The following DISP2 variants were observed in gnomAD, a reference collection of about 807,000 sequenced individuals.
The protein encoded by DISP2 is protein dispatched homolog 2.
DISP2 carries 59 observed loss-of-function variants against 95.5 expected under a neutral mutation model. The observed-to-expected ratio is 0.62, with a 90% CI of 0.50 to 0.77. DISP2 has a LOEUF of 0.77. DISP2 is among the 30% of genes least tolerant of loss of function. The pLI, the probability that DISP2 is intolerant of heterozygous loss-of-function variation, is 0.00. For missense variants in DISP2, 1,752 were observed against 1,854.6 expected, an observed-to-expected ratio of 0.94 and a Z score of 1.02; for synonymous variants, 827 against 815.0, an observed-to-expected ratio of 1.01 and a Z score of -0.25.
intron 7 of DISP2, 37 bp downstream of exon 7, chr15:40,365,762 A>C (rs1233142754): frequency 1.9e-6 from 3 of 1,600,230 alleles, no homozygotes; most frequent in Non-Finnish European, 2.6e-6. Context: ...GTTTGGGGGG[A>C]ACTAAGGACA....
In DISP2 at chr15:40,371,653, G is replaced by C. The variant is rs1373001258; in HGVS notation, c.*1335G>C. ...CTTTTTAAGGACAAGTCTCTCTGTG[G>C]AGCGTTAAGCAGACCAAAGGCTGGT... On this transcript the variant is annotated 3_prime_UTR_variant, in exon 8 of 8. Transcript: ENST00000267889. The C allele has an allele frequency of 6.6e-6, 1 of 152,250 alleles. No individual in the cohort carries two copies. The highest frequency in any genetic ancestry group is 1.5e-5 in the Non-Finnish European group (1 of 68,038). 9.4% of individuals were successfully genotyped at this position (152,250 alleles called of 1,614,324 possible). A position where few individuals can be genotyped will look rare whatever the true frequency, so the allele number is the denominator to read the frequency against.
chr15:40,365,330 T>C, intron 6 of DISP2, 56 bp downstream of exon 6: 1 of 1,594,918 alleles, frequency 6.3e-7, no homozygotes, highest in Non-Finnish European at 8.5e-7. Flanking sequence ...CCCCACCTAG[T>C]AGGACAGGCA....
chr15:40,373,387 G>C lies in DISP2; in HGVS notation c.*3069G>C, dbSNP rs1889677082. 1 of 152,214 alleles carries C rather than the reference G, an allele frequency of 6.6e-6. No individual in the cohort carries two copies. Among genetic ancestry groups the C allele is most frequent in the African/African-American group, 2.4e-5 (1 of 41,440 alleles). 9.4% of individuals were successfully genotyped at this position (152,214 alleles called of 1,614,324 possible). A position where few individuals can be genotyped will look rare whatever the true frequency, so the allele number is the denominator to read the frequency against. ...CCTTGAACTCACATTCTGAGTACGA[G>C]TATGTATCCTGTATGCTATTAAAAT... On this transcript the variant is annotated 3_prime_UTR_variant, in exon 8 of 8. Transcript: ENST00000267889.
Position 40,363,757 on chromosome 15 carries a change from A to G in DISP2, c.252A>G (p.Pro84=), listed in dbSNP as rs769001268. The change falls in exon 2 of 8, where the codon CCA becomes CCG. Residue 84 remains proline (P), a synonymous_variant. Coordinates refer to ENST00000267889, the MANE Select transcript of DISP2 (RefSeq NM_033510.3). ...CTTCCACCCTCCAGCCTGTGGGTCC[A>G]TCCAGCCCCTTGGCCCCTGCCCACT... is the stretch of plus-strand genomic sequence containing the variant. ...PTTSTLQPVG[P]SSPLAPAHFT... is the part of the protein sequence containing the mutation. 7 of 1,613,854 alleles carry G rather than the reference A, an allele frequency of 4.3e-6. No homozygotes were observed. In the East Asian group the frequency reaches 1.3e-4, roughly 31 times the overall value.
Position 40,369,562 on chromosome 15 carries a change from G to T in DISP2, c.3450G>T (p.Gly1150=), listed in dbSNP as rs764360514. Residue 1150 remains glycine (G), a synonymous_variant, in exon 8 of 8, where the codon GGG becomes GGT. Transcript: ENST00000267889. ...AGAAGGCAGGCCGCCCACGACCAGG[G>T]TCAGTGGGAGGGATGCCCGGGTCCT... ...GGEKAGRPRP[G]SVGGMPGSCS... 1.9e-6 allele frequency: 3 copies of T among 1,612,384 alleles called. No homozygotes were observed. Among genetic ancestry groups the T allele is most frequent in the Non-Finnish European group, 2.5e-6 (3 of 1,180,006 alleles).
intron 6 of DISP2, 114 bp downstream of exon 6, chr15:40,365,388 C>T: frequency 6.7e-7 from 1 of 1,496,086 alleles, no homozygotes; most frequent in Non-Finnish European, 8.9e-7. Flanking sequence ...GGCCAGCTGG[C>T]CACAGTCAAG....
intron 7 of DISP2, among the ~76,000 whole-genome samples, chr15:40,366,183 C>G (rs928826244): frequency 6.6e-6 from 1 of 152,246 alleles, no homozygotes; most frequent in Non-Finnish European, 1.5e-5. Context: ...CCACTTCACA[C>G]GAGGATATCC....
chr15:40,370,915 T>C lies in DISP2; in HGVS notation c.*597T>C, dbSNP rs1889634574. 2 of 271,142 alleles carry C rather than the reference T, an allele frequency of 7.4e-6. No homozygotes were observed. Among genetic ancestry groups the C allele is most frequent in the East Asian group, 8.4e-5 (1 of 11,876 alleles). 16.8% of individuals were successfully genotyped at this position (271,142 alleles called of 1,614,324 possible). On this transcript the variant is annotated 3_prime_UTR_variant, in exon 8 of 8. Coordinates refer to ENST00000267889, the MANE Select transcript of DISP2 (RefSeq NM_033510.3). Reference sequence around the variant, plus strand: ...ACCAGAAATTCTCCAAATCCAGCCATAGATGGCTGCTGGGTGTGCAGCAGG... The same window carrying C: ...ACCAGAAATTCTCCAAATCCAGCCACAGATGGCTGCTGGGTGTGCAGCAGG...
Position 40,368,262 on chromosome 15 carries a change from G to T in DISP2, c.2150G>T (p.Gly717Val), listed in dbSNP as rs745688593. The change falls in exon 8 of 8, where the codon GGC (glycine) becomes GTC (valine). Residue 717 changes from glycine (G) to valine (V), a missense_variant. By Grantham distance (109) the Gly-to-Val change is moderately radical. Coordinates refer to ENST00000267889, the MANE Select transcript of DISP2 (RefSeq NM_033510.3). Reference protein sequence around the residue: ...ICWFAALAAGGAYIAGVSPRL... With the variant: ...ICWFAALAAGVAYIAGVSPRL... The stretch of plus-strand genomic sequence containing the variant: ...TGGTTCGCAGCACTGGCGGCAGGGG[G>T]CGCCTACATCGCCGGAGTCAGCCCC... The T allele has an allele frequency of 6.2e-7, 1 of 1,609,554 alleles. No individual in the cohort carries two copies. The highest frequency in any genetic ancestry group is 1.1e-5 in the South Asian group (1 of 91,014).
chr15:40,364,098 C>A, intron 2 of DISP2, 128 bp from the exon 3 acceptor site: 1 of 1,505,662 alleles, frequency 6.6e-7, no homozygotes, highest in Non-Finnish European at 9.0e-7. Flanking sequence ...TTGGGAGTGG[C>A]AAAGCGCTAA....
Position 40,373,718 on chromosome 15 carries a change from TAAATA to T in DISP2, c.*3402_*3406del, listed in dbSNP as rs1277299700. Reference sequence around the variant, plus strand: ...GACACCGTCTCAAAAAATAAATAAATAAATAAGTCGGGCACGGTGGCTCACGCCTG... The same window carrying T: ...GACACCGTCTCAAAAAATAAATAAATAGTCGGGCACGGTGGCTCACGCCTG... On this transcript the variant is annotated 3_prime_UTR_variant, in exon 8 of 8. Transcript: ENST00000267889. 1 of 138,464 alleles carries T rather than the reference TAAATA, an allele frequency of 7.2e-6. No individual in the cohort carries two copies. The highest frequency in any genetic ancestry group is 1.6e-5 in the Non-Finnish European group (1 of 64,430). The allele number at this position is 138,464 out of a possible 1,614,324, so 8.6% of individuals were successfully genotyped here.
Position 40,374,485 on chromosome 15 carries a change from G to A in DISP2, c.*4167G>A, listed in dbSNP as rs1195249337. 6.6e-6 allele frequency: 1 copy of A among 151,212 alleles called. No individual in the cohort carries two copies. Among genetic ancestry groups the A allele is most frequent in the African/African-American group, 2.4e-5 (1 of 41,320 alleles). 9.4% of individuals were successfully genotyped at this position (151,212 alleles called of 1,614,324 possible). On this transcript the variant is annotated 3_prime_UTR_variant, in exon 8 of 8. Transcript: ENST00000267889. Reference sequence around the variant, plus strand: ...AGAGTTATAAGCCAAAATTTCCCTAGCCCCCTCCAACTCATTCTGTCCTTC... The same window carrying A: ...AGAGTTATAAGCCAAAATTTCCCTAACCCCCTCCAACTCATTCTGTCCTTC...
intron 1 of DISP2, 94 bp from the exon 2 acceptor site, chr15:40,363,531 C>CCTTGT: frequency 1.1e-6 from 1 of 932,204 alleles, no homozygotes; most frequent in South Asian, 1.9e-5. Flanking sequence ...GTCCCTGTCC[C>CCTTGT]CTTGTCTTGT....
At position 40,377,523 on chromosome 15, in the gene DISP2, G is replaced by A. The variant is rs867350145; in HGVS notation, c.*7205G>A. The A allele has an allele frequency of 2.6e-5, 4 of 152,146 alleles. No individual in the cohort carries two copies. Among genetic ancestry groups the A allele is most frequent in the South Asian group, 2.1e-4 (1 of 4,830 alleles). 9.4% of individuals were successfully genotyped at this position (152,146 alleles called of 1,614,324 possible). ...AAGAAACAAACAAGGAGAACCCCTC[G>A]GTTGCCCAGCTTACCGCTTGAGAGG... On this transcript the variant is annotated 3_prime_UTR_variant, in exon 8 of 8. Coordinates refer to ENST00000267889, the MANE Select transcript of DISP2 (RefSeq NM_033510.3).
At chr15:40,360,374 G>T (rs950490295) in intron 1 of DISP2, among the ~76,000 whole-genome samples, 4 of 152,216 alleles carry the variant, frequency 2.6e-5, no homozygotes, top group African/African-American at 9.7e-5. Flanking sequence ...AAGAGTGGAG[G>T]TCGGTTTTTC....
chr15:40,363,950 G>A lies in DISP2; in HGVS notation c.445G>A (p.Val149Ile), dbSNP rs1889450934. ...CGCTGTGCAGCACCATGTGGTCAGC[G>A]TCAGGTAAGGAGGGGTCCAGCAGCC... ...PPAVQHHVVS[V>I]RQERAFQMPK... The change falls in exon 2 of 8, where the codon GTC becomes ATC. Residue 149 changes from valine (V) to isoleucine (I), a missense_variant. Physicochemically the swap from Val to Ile is conservative, Grantham distance 29. This residue lies in a region of DISP2 where 342 missense variants were observed against 364.3 expected (regional missense o/e 0.94). Coordinates refer to ENST00000267889, the MANE Select transcript of DISP2 (RefSeq NM_033510.3). 16 of 1,526,150 alleles carry A rather than the reference G, an allele frequency of 1.0e-5. No homozygotes were observed. The highest frequency in any genetic ancestry group is 2.0e-5 in the Admixed American group (1 of 49,678). The allele number at this position is 1,526,150 out of a possible 1,614,324, so 94.5% of individuals were successfully genotyped here. A position where few individuals can be genotyped will look rare whatever the true frequency, so the allele number is the denominator to read the frequency against.
rs564133804 is a variant in DISP2 at position 40,367,771 on chromosome 15, C to T, written c.1659C>T (p.Ser553=). 4 of 1,610,172 alleles carry T rather than the reference C, an allele frequency of 2.5e-6. No individual in the cohort carries two copies. Among genetic ancestry groups the T allele is most frequent in the South Asian group, 2.2e-5 (2 of 91,088 alleles). Residue 553 remains serine (S), a synonymous_variant, in exon 8 of 8, where the codon AGC becomes AGT. Coordinates refer to ENST00000267889, the MANE Select transcript of DISP2 (RefSeq NM_033510.3). ...TGGCAGCCCTCCTCCTGCTGAGCAGCGTCTGCGCCAACCACACGCTCATCT... is the reference window on the plus strand; with the variant it reads ...TGGCAGCCCTCCTCCTGCTGAGCAGTGTCTGCGCCAACCACACGCTCATCT... ...VNLAALLLLS[S]VCANHTLIFF...
In DISP2 at chr15:40,368,426, G is replaced by A. The variant is rs749963197; in HGVS notation, c.2314G>A (p.Val772Met). The change falls in exon 8 of 8, where the codon GTG becomes ATG. Residue 772 changes from valine (V) to methionine (M), a missense_variant. This residue lies in a region of DISP2 where 732 missense variants were observed against 714.6 expected (regional missense o/e 1.02). Transcript: ENST00000267889. ...LPQGEGGHMP[V>M]VLVWGVLPVD... ...GCAGGGCGAGGGCGGCCACATGCCCGTGGTTTTGGTGTGGGGCGTCCTGCC... is the reference window on the plus strand; with the variant it reads ...GCAGGGCGAGGGCGGCCACATGCCCATGGTTTTGGTGTGGGGCGTCCTGCC... 1.4e-5 allele frequency: 23 copies of A among 1,609,314 alleles called. No homozygotes were observed. The highest frequency in any genetic ancestry group is 1.8e-5 in the Non-Finnish European group (21 of 1,179,886).
At position 40,368,312 on chromosome 15, in the gene DISP2, C is replaced by A. The variant is rs902791157; in HGVS notation, c.2200C>A (p.Pro734Thr). 5 of 1,604,260 alleles carry A rather than the reference C, an allele frequency of 3.1e-6. No individual in the cohort carries two copies. Among genetic ancestry groups the A allele is most frequent in the Non-Finnish European group, 3.4e-6 (4 of 1,176,882 alleles). Residue 734 changes from proline (P) to threonine (T), a missense_variant, in exon 8 of 8, where the codon CCG becomes ACG. Physicochemically the swap from Pro to Thr is conservative, Grantham distance 38. Around this residue, in one of 5 missense-constraint regions of DISP2, gnomAD observed 732 missense variants for 714.6 expected, o/e 1.02. Coordinates refer to ENST00000267889, the MANE Select transcript of DISP2 (RefSeq NM_033510.3). Reference sequence around the variant, plus strand: ...CCGCCTGCGGCTGCCCACGCTGCCGCCGCCCGGCGGCCAGGTCTTCCGGCC... The same window carrying A: ...CCGCCTGCGGCTGCCCACGCTGCCGACGCCCGGCGGCCAGGTCTTCCGGCC... Reference protein sequence around the residue: ...SPRLRLPTLPPPGGQVFRPSH... With the variant: ...SPRLRLPTLPTPGGQVFRPSH...
Sources: allele counts gnomAD v4.1 joint callset (sites outside exome capture counted in the v4.1 genomes callset), GRCh38; gene constraint gnomAD v4.1.1; regional missense constraint gnomAD v4.1.1; transcripts MANE v1.5; gene names NCBI Gene and HGNC (gene_info 2026-07-23, HGNC 2026-07-21).